Variants in CRYBG1 observed in about 807,000 individuals in gnomAD.
CRYBG1 encodes beta/gamma crystallin domain-containing protein 1.
Under a neutral mutation model 189.2 loss-of-function variants are expected in CRYBG1, and 139 were observed. That is an observed-to-expected ratio of 0.73 (90% CI 0.64 to 0.85). The LOEUF (loss-of-function observed/expected upper bound fraction) is 0.85. Ranked by LOEUF, CRYBG1 falls within the 40% of genes least tolerant of loss-of-function variation. The pLI is 0.00. For synonymous variants in CRYBG1, 1,023 were observed against 1,017.1 expected (o/e 1.01, Z -0.11); for missense variants, 2,611 against 2,675.8 (o/e 0.98, Z 0.53).
intron 8 of CRYBG1, among the ~76,000 whole-genome samples, chr6:106,530,639 A>G (rs1351178485): frequency 6.6e-6 from 1 of 151,182 alleles, no homozygotes; most frequent in Non-Finnish European, 1.5e-5. Context: ...CAGAGGAGGT[A>G]ATTCAAAGCA....
chr6:106,375,559 C>T (rs62420787), intron 1 of CRYBG1, among the ~76,000 whole-genome samples: 5 of 152,178 alleles, frequency 3.3e-5, no homozygotes, highest in South Asian at 2.1e-4. Context: ...TCTCATGAGT[C>T]GGATTCCAGG....
Position 106,374,818 on chromosome 6 carries a change from G to A in CRYBG1, c.173+13737G>A, listed in dbSNP as rs142555312. Among the ~76,000 whole-genome samples the A allele has an allele frequency of 1.7e-3, 266 of 152,134 alleles. 1 individual carries two copies. Among genetic ancestry groups the A allele is most frequent in the Non-Finnish European group, 3.1e-3 (211 of 68,004 alleles). On this transcript the variant is annotated intron_variant, in intron 1 of 21. Transcript: ENST00000633556. ...CATATATACACATACATACATTCTA[G>A]CACTAAGTTCTTTACTGATATATAT...
At chr6:106,494,649 A>C (rs1488752356) in intron 2 of CRYBG1, among the ~76,000 whole-genome samples, 1 of 152,232 alleles carries the variant, frequency 6.6e-6, no homozygotes, top group East Asian at 1.9e-4. Context: ...ACATATAGCA[A>C]GTAGAAACTA....
intron 1 of CRYBG1, among the ~76,000 whole-genome samples, chr6:106,405,888 A>G (rs1770810542): frequency 6.6e-6 from 1 of 152,226 alleles, no homozygotes. Flanking sequence ...AACATCAAAG[A>G]GCAAAGGTAG....
At chr6:106,452,666 T>C (rs1411517016) in intron 2 of CRYBG1, among the ~76,000 whole-genome samples, 1 of 152,238 alleles carries the variant, frequency 6.6e-6, no homozygotes, top group African/African-American at 2.4e-5. Flanking sequence ...TTATCAATAG[T>C]TACTTCTTAA....
At chr6:106,490,033 G>C (rs1323777989) in intron 2 of CRYBG1, among the ~76,000 whole-genome samples, 4 of 152,194 alleles carry the variant, frequency 2.6e-5, no homozygotes, top group Admixed American at 6.5e-5. Flanking sequence ...CTTCTACGGA[G>C]AGACTCATGA....
chr6:106,447,176 G>C (rs1771678429), intron 1 of CRYBG1, among the ~76,000 whole-genome samples: 1 of 152,128 alleles, frequency 6.6e-6, no homozygotes, highest in South Asian at 2.1e-4. Context: ...TTACCCAAGA[G>C]GTTATTGTCG....
At chr6:106,459,264 A>G (rs1045618411) in intron 2 of CRYBG1, among the ~76,000 whole-genome samples, 2 of 152,236 alleles carry the variant, frequency 1.3e-5, no homozygotes, top group Non-Finnish European at 2.9e-5. Context: ...ATAAATAAAC[A>G]TATAAATATA....
rs761149534 is a variant in CRYBG1 at position 106,520,868 on chromosome 6, T to A, written c.3660T>A (p.Asn1220Lys). ...AGCCTCTGGTGATGCCGGAAATCAA[T>A]GACAAAGAGAACAGGGACGTCACAA... ...NSEPLVMPEINDKENRDVTNG... is the reference protein window; with the variant it reads ...NSEPLVMPEIKDKENRDVTNG... Residue 1220 changes from asparagine to lysine, a missense_variant, in exon 4 of 22, where the codon AAT becomes AAA. Transcript: ENST00000633556. 1.2e-6 allele frequency: 2 copies of A among 1,614,122 alleles called. No homozygotes were observed. The highest frequency in any genetic ancestry group is 1.7e-6 in the Non-Finnish European group (2 of 1,180,036).
intron 2 of CRYBG1, among the ~76,000 whole-genome samples, chr6:106,489,104 A>G (rs923057876): frequency 1.3e-5 from 2 of 152,118 alleles, no homozygotes; most frequent in African/African-American, 4.8e-5. Flanking sequence ...TTTTTCTCAT[A>G]AGAAAGGTCT....
intron 9 of CRYBG1, among the ~76,000 whole-genome samples, chr6:106,540,219 C>T (rs944826058): frequency 2.0e-5 from 3 of 152,066 alleles, no homozygotes; most frequent in South Asian, 2.1e-4. Context: ...GGAAGCAGGC[C>T]GCATCTGTCT....
At chr6:106,482,604 T>A (rs1294043881) in intron 2 of CRYBG1, among the ~76,000 whole-genome samples, 1 of 151,812 alleles carries the variant, frequency 6.6e-6, no homozygotes, top group Non-Finnish European at 1.5e-5. Context: ...TGAAACCCCG[T>A]CTCTACTAAA....
chr6:106,360,771 G>C lies in CRYBG1; in HGVS notation c.-138G>C. Reference sequence around the variant, plus strand: ...TTCTGCAACCCGCGGCCGTCCCCCCGCATCCGCGACGAGGGGGCGGGGTCC... The same window carrying C: ...TTCTGCAACCCGCGGCCGTCCCCCCCCATCCGCGACGAGGGGGCGGGGTCC... On this transcript the variant is annotated 5_prime_UTR_variant, in exon 1 of 22. Coordinates refer to ENST00000633556, the MANE Select transcript of CRYBG1 (RefSeq NM_001371242.2). 1 of 1,027,122 alleles carries C rather than the reference G, an allele frequency of 9.7e-7. No individual in the cohort carries two copies. The allele number at this position is 1,027,122 out of a possible 1,614,324, so 63.6% of individuals were successfully genotyped here.
chr6:106,413,489 C>T (rs1437638644), intron 1 of CRYBG1, among the ~76,000 whole-genome samples: 1 of 152,038 alleles, frequency 6.6e-6, no homozygotes, highest in Non-Finnish European at 1.5e-5. Flanking sequence ...CCAGTCTGGC[C>T]AAGATGGTGA....
At chr6:106,505,830 C>T (rs1773120681) in intron 2 of CRYBG1, among the ~76,000 whole-genome samples, 1 of 151,744 alleles carries the variant, frequency 6.6e-6, no homozygotes, top group Non-Finnish European at 1.5e-5. Flanking sequence ...CTATCATTTA[C>T]AGTAATATCC....
At chr6:106,433,757 G>A (rs57842134) in intron 1 of CRYBG1, among the ~76,000 whole-genome samples, 812 of 23,352 alleles carry the variant, frequency 0.035, 47 homozygotes, top group East Asian at 0.093. Context: ...ATATATATAT[G>A]TGTATATATA....
intron 10 of CRYBG1, among the ~76,000 whole-genome samples, chr6:106,542,720 C>T: frequency 6.6e-6 from 1 of 150,644 alleles, no homozygotes. Flanking sequence ...GACGTGATCT[C>T]AGCTCACTTA....
intron 1 of CRYBG1, among the ~76,000 whole-genome samples, chr6:106,433,565 G>T (rs1339763362): frequency 2.0e-5 from 3 of 151,794 alleles, no homozygotes; most frequent in African/African-American, 7.3e-5. Flanking sequence ...GCTGATACTG[G>T]AATTGTTATA....
chr6:106,566,017 G>GT (rs1774874344), intron 21 of CRYBG1, among the ~76,000 whole-genome samples: 1 of 152,138 alleles, frequency 6.6e-6, no homozygotes. Context: ...AAACCTTCCT[G>GT]TTTTTTACAA....
Sources: allele counts gnomAD v4.1 joint callset (sites outside exome capture counted in the v4.1 genomes callset), GRCh38; gene constraint gnomAD v4.1.1; transcripts MANE v1.5; gene names NCBI Gene and HGNC (gene_info 2026-07-23, HGNC 2026-07-21).